Variants in NUDT3 observed in about 807,000 individuals in gnomAD.
NUDT3 encodes nudix hydrolase 3.
A neutral mutation model predicts 23.6 loss-of-function variants in NUDT3; 9 were observed. That is an observed-to-expected ratio of 0.38 (90% confidence interval 0.23 to 0.66). The LOEUF (loss-of-function observed/expected upper bound fraction) is 0.66. NUDT3 is among the 30% of genes least tolerant of loss of function. NUDT3 has a pLI of 0.52. For missense variants in NUDT3, 172 were observed against 218.5 expected, an observed-to-expected ratio of 0.79 and a Z score of 1.34; for synonymous variants, 86 against 82.6, an observed-to-expected ratio of 1.04 and a Z score of -0.22.
chr6:34,288,838 T>C lies in NUDT3; in HGVS notation c.434A>G (p.Gln145Arg), dbSNP rs754158495. Residue 145 changes from glutamine (Q) to arginine (R), a missense_variant, in exon 5 of 5, where the codon CAA (glutamine) becomes CGA (arginine). Physicochemically the swap from Gln to Arg is conservative, Grantham distance 43 (BLOSUM62 1). Transcript: ENST00000607016. ...VQASYFETLR[Q>R]GYSANNGTPV... ...GGTGCCATTGTTGGCTGAGTAGCCT[T>C]GCCTCAATGTTTCAAAATATGATGC... 6.2e-7 allele frequency: 1 copy of C among 1,614,174 alleles called. No homozygotes were observed. The highest frequency in any genetic ancestry group is 1.7e-5 in the Admixed American group (1 of 60,016).
At chr6:34,359,470 G>C (rs899999979) in intron 1 of NUDT3, among the ~76,000 whole-genome samples, 2 of 152,070 alleles carry the variant, frequency 1.3e-5, no homozygotes, top group Non-Finnish European at 1.5e-5. Flanking sequence ...TTTGTTTTTT[G>C]TATCTATGGA....
At chr6:34,310,565 T>C (rs149335633) in intron 2 of NUDT3, among the ~76,000 whole-genome samples, 108 of 152,120 alleles carry the variant, frequency 7.1e-4, no homozygotes, top group Non-Finnish European at 1.5e-4. Context: ...ACCACCACCA[T>C]AATAACCTTC....
chr6:34,300,664 C>G (rs138749653), intron 2 of NUDT3, among the ~76,000 whole-genome samples: 3 of 152,348 alleles, frequency 2.0e-5, no homozygotes, highest in African/African-American at 7.2e-5. Flanking sequence ...TAGTAAGAAG[C>G]TGACCCAGTG....
chr6:34,378,155 T>C (rs1374278634), intron 1 of NUDT3, among the ~76,000 whole-genome samples: 1 of 143,822 alleles, frequency 7.0e-6, no homozygotes, highest in Non-Finnish European at 1.5e-5. Context: ...AAAAAAAAAA[T>C]AGCCAGATGA....
At chr6:34,380,459 C>T (rs1161711310) in intron 1 of NUDT3, among the ~76,000 whole-genome samples, 1 of 152,120 alleles carries the variant, frequency 6.6e-6, no homozygotes, top group Non-Finnish European at 1.5e-5. Flanking sequence ...CTCAAGTAAT[C>T]CTCCTGCCTC....
At chr6:34,366,238 G>T (rs542310322) in intron 1 of NUDT3, among the ~76,000 whole-genome samples, 3 of 150,212 alleles carry the variant, frequency 2.0e-5, no homozygotes, top group African/African-American at 7.3e-5. Flanking sequence ...AGCTGGGCAT[G>T]GTGATGCATG....
At chr6:34,297,732 T>TA (rs1300196943) in intron 2 of NUDT3, among the ~76,000 whole-genome samples, 1 of 27,758 alleles carries the variant, frequency 3.6e-5, no homozygotes, top group Non-Finnish European at 7.3e-5. Context: ...AAAAAAAAAA[T>TA]ATATATATAT....
chr6:34,321,895 G>GT lies in NUDT3; in HGVS notation c.210+19966dup, dbSNP rs1415416519. Among the ~76,000 whole-genome samples, 4 of 152,214 alleles carry GT rather than the reference G, an allele frequency of 2.6e-5. No individual in the cohort carries two copies. The East Asian group carries it at 7.7e-4, about 29-fold the overall frequency. ...ACTGAGCACTTGAAATGTGGCTAGT[G>GT]TAACTAAGAAACTGAATTTTGTATT... On this transcript the variant is annotated intron_variant, in intron 2 of 4. Transcript: ENST00000607016.
rs1389559599 is a variant in NUDT3 at position 34,363,112 on chromosome 6, C to A, written c.100-21140G>T. On this transcript the variant is annotated intron_variant, in intron 1 of 4. Coordinates refer to ENST00000607016, the MANE Select transcript of NUDT3 (RefSeq NM_006703.4). ...TAACGATTGAGCACAACACTCAAAC[C>A]TGCCAGGACGTGGTTTTCCCCTCTA... Among the ~76,000 whole-genome samples the A allele has an allele frequency of 2.0e-5, 3 of 152,184 alleles. No individual in the cohort carries two copies. In the East Asian group the frequency reaches 5.8e-4, roughly 29 times the overall value.
intron 1 of NUDT3, among the ~76,000 whole-genome samples, chr6:34,351,528 G>C (rs1220119974): frequency 1.3e-5 from 2 of 149,536 alleles, no homozygotes; most frequent in African/African-American, 5.0e-5. Flanking sequence ...TGTCACCTGA[G>C]GTCAGGAGTT....
At chr6:34,312,868 T>C (rs569792118) in intron 2 of NUDT3, among the ~76,000 whole-genome samples, 1 of 152,272 alleles carries the variant, frequency 6.6e-6, no homozygotes, top group East Asian at 1.9e-4. Flanking sequence ...AAGTTATGTA[T>C]GTAAGGACAT....
Position 34,392,539 on chromosome 6 carries a change from C to G in NUDT3, c.-177G>C. ...CCGCGGCCGCCTCATTCCCCCAGGC[C>G]CAGGTCCCGCGCCGCCGCTGCCACC... is the stretch of plus-strand genomic sequence containing the variant. On this transcript the variant is annotated 5_prime_UTR_variant, in exon 1 of 5. Transcript: ENST00000607016. 3 of 421,942 alleles carry G rather than the reference C, an allele frequency of 7.1e-6. No homozygotes were observed. The highest frequency in any genetic ancestry group is 4.2e-6 in the Non-Finnish European group (1 of 239,184). 26.1% of individuals were successfully genotyped at this position (421,942 alleles called of 1,614,324 possible).
At chr6:34,349,382 G>A (rs1764431956) in intron 1 of NUDT3, among the ~76,000 whole-genome samples, 1 of 139,972 alleles carries the variant, frequency 7.1e-6, no homozygotes, top group Non-Finnish European at 1.6e-5. Flanking sequence ...ATATGGGCTG[G>A]GTCAATGGTG....
intron 1 of NUDT3, among the ~76,000 whole-genome samples, chr6:34,346,551 T>C (rs1764373642): frequency 2.6e-5 from 4 of 152,218 alleles, no homozygotes; most frequent in Admixed American, 2.6e-4. Flanking sequence ...TGTGAAATAC[T>C]AATTAGTAAA....
chr6:34,375,100 A>G (rs1349421819), intron 1 of NUDT3, among the ~76,000 whole-genome samples: 3 of 152,182 alleles, frequency 2.0e-5, no homozygotes, highest in Non-Finnish European at 4.4e-5. Flanking sequence ...TAATCCCAGC[A>G]CTTTGGCCGA....
At chr6:34,305,551 C>T (rs926556731) in intron 2 of NUDT3, among the ~76,000 whole-genome samples, 4 of 151,920 alleles carry the variant, frequency 2.6e-5, no homozygotes, top group African/African-American at 9.7e-5. Context: ...TAATTTCTAC[C>T]CCTTTCCTTG....
intron 1 of NUDT3, among the ~76,000 whole-genome samples, chr6:34,370,066 T>C (rs1337888876): frequency 6.6e-6 from 1 of 152,218 alleles, no homozygotes; most frequent in Non-Finnish European, 1.5e-5. Flanking sequence ...TTTTTAAGAA[T>C]TGGTGACTCC....
chr6:34,289,523 C>T lies in NUDT3; in HGVS notation c.341-592G>A, dbSNP rs556942595. 5.3e-5 allele frequency among the ~76,000 whole-genome samples: 8 copies of T among 152,126 alleles called. No homozygotes were observed. In the South Asian group the frequency reaches 1.0e-3, roughly 20 times the overall value. ...TCGCGGCTGCAGTGAGCTGTCATCG[C>T]GCCACTGCACTCCAGCAGGGTGACA... On this transcript the variant is annotated intron_variant, in intron 4 of 4. Transcript: ENST00000607016.
chr6:34,323,739 T>C (rs1206450984), intron 2 of NUDT3, among the ~76,000 whole-genome samples: 1 of 152,166 alleles, frequency 6.6e-6, no homozygotes, highest in Non-Finnish European at 1.5e-5. Flanking sequence ...AGTAACAATA[T>C]AGAAAGATAA....
Sources: allele counts gnomAD v4.1 joint callset (sites outside exome capture counted in the v4.1 genomes callset), GRCh38; gene constraint gnomAD v4.1.1; transcripts MANE v1.5; gene names NCBI Gene and HGNC (gene_info 2026-07-23, HGNC 2026-07-21).